The following TG variants were observed in gnomAD, a reference collection of about 807,000 sequenced individuals.
TG encodes thyroid hormones.
Under a neutral mutation model 324.7 loss-of-function variants are expected in TG, and 270 were observed. That is an observed-to-expected ratio of 0.83 (90% CI 0.75 to 0.92). The LOEUF (loss-of-function observed/expected upper bound fraction) is 0.92. Ranked by LOEUF, TG falls within the 40% of genes least tolerant of loss-of-function variation. TG has a pLI of 0.00. For synonymous variants in TG, 1,401 were observed against 1,327.0 expected (o/e 1.06, Z -1.21); for missense variants, 3,591 against 3,456.4 (o/e 1.04, Z -0.98).
chr8:132,936,265 G>T (rs1823576763), intron 25 of TG, among the ~76,000 whole-genome samples: 1 of 152,222 alleles, frequency 6.6e-6, no homozygotes, highest in South Asian at 2.1e-4. Flanking sequence ...CAAGAGGCTG[G>T]GCAAACTGCT....
At chr8:132,871,322 T>G (rs1218812586) in intron 3 of TG, 26 bp from the exon 4 acceptor site, 1 of 1,613,022 alleles carries the variant, frequency 6.2e-7, no homozygotes, top group Non-Finnish European at 8.5e-7. Flanking sequence ...TGCAGTTCTA[T>G]CTAACATTGC....
At chr8:133,010,814 G>T (rs997067363) in intron 35 of TG, among the ~76,000 whole-genome samples, 12 of 152,152 alleles carry the variant, frequency 7.9e-5, no homozygotes, top group Non-Finnish European at 1.5e-5. Flanking sequence ...TGGCTGCTAT[G>T]CCTGTGCTTC....
intron 34 of TG, among the ~76,000 whole-genome samples, chr8:132,976,765 A>T (rs1830225432): frequency 6.6e-6 from 1 of 152,162 alleles, no homozygotes; most frequent in African/African-American, 2.4e-5. Flanking sequence ...GAACAGAAGG[A>T]GGAGGACTGG....
At chr8:133,030,086 T>C in intron 41 of TG, 63 bp downstream of exon 41, 2 of 1,603,162 alleles carry the variant, frequency 1.2e-6, no homozygotes, top group South Asian at 1.1e-5. Flanking sequence ...GTGGTTCTCC[T>C]GTGCTGCAAA....
At chr8:132,888,595 A>AT in intron 10 of TG, 27 bp downstream of exon 10, 1 of 1,337,950 alleles carries the variant, frequency 7.5e-7, no homozygotes, top group South Asian at 1.4e-5. Context: ...GAAGAGTTAA[A>AT]TGTGTGTGTG....
chr8:132,914,448 G>A (rs2687820), intron 20 of TG, among the ~76,000 whole-genome samples: 149,015 of 152,358 alleles, frequency 0.98, 72,881 homozygotes, highest in East Asian at 1. Context: ...TAAACTCCAC[G>A]TTGGATTTAA....
At chr8:133,025,995 G>GT (rs1836034366) in intron 40 of TG, among the ~76,000 whole-genome samples, 1 of 152,170 alleles carries the variant, frequency 6.6e-6, no homozygotes, top group African/African-American at 2.4e-5. Context: ...GAGATGAAGT[G>GT]TGTGAGGACA....
rs373927577 is a variant in TG at position 132,871,781 on chromosome 8, G to A, written c.478+230G>A. Among the ~76,000 whole-genome samples, 54 of 152,312 alleles carry A rather than the reference G, an allele frequency of 3.5e-4. No individual in the cohort carries two copies. The South Asian group carries it at 1.0e-2, about 28-fold the overall frequency. ...AAACATAAACAGGATTTCATTGAAC[G>A]TTGTGAGTCTCCTGTTGCAGACCTG... On this transcript the variant is annotated intron_variant, in intron 4 of 47. Coordinates refer to ENST00000220616, the MANE Select transcript of TG (RefSeq NM_003235.5).
At chr8:133,071,191 G>GGT (rs1315824740) in intron 41 of TG, among the ~76,000 whole-genome samples, 1 of 152,194 alleles carries the variant, frequency 6.6e-6, no homozygotes, top group East Asian at 1.9e-4. Context: ...GTGTGTCCTA[G>GGT]GTGTGTTACA....
chr8:132,960,272 A>G (rs1278536834), intron 27 of TG, among the ~76,000 whole-genome samples: 1 of 152,222 alleles, frequency 6.6e-6, no homozygotes, highest in Non-Finnish European at 1.5e-5. Context: ...AAATTTGATC[A>G]TATCTCGATG....
At chr8:133,012,944 T>C (rs1834649902) in intron 36 of TG, among the ~76,000 whole-genome samples, 1 of 152,204 alleles carries the variant, frequency 6.6e-6, no homozygotes, top group Non-Finnish European at 1.5e-5. Context: ...GGAAAGGGCA[T>C]GGTCCCTGGT....
At chr8:133,053,027 G>A (rs1840709403) in intron 41 of TG, among the ~76,000 whole-genome samples, 1 of 152,206 alleles carries the variant, frequency 6.6e-6, no homozygotes, top group South Asian at 2.1e-4. Flanking sequence ...TCGGCTACAT[G>A]TGATGGGCCT....
chr8:132,876,441 A>G (rs1219073291), intron 5 of TG, among the ~76,000 whole-genome samples: 1 of 152,028 alleles, frequency 6.6e-6, no homozygotes, highest in Non-Finnish European at 1.5e-5. Context: ...ATTTTTTTTG[A>G]AAATTAAAAT....
At chr8:132,924,308 C>A (rs749096661) in intron 22 of TG, among the ~76,000 whole-genome samples, 11 of 152,154 alleles carry the variant, frequency 7.2e-5, no homozygotes, top group Admixed American at 2.6e-4. Flanking sequence ...TCCCAATGCT[C>A]ACCTCCTGCT....
chr8:133,111,318 T>C lies in TG; in HGVS notation c.7573-2104T>C, dbSNP rs190953789. Among the ~76,000 whole-genome samples, 11 of 152,338 alleles carry C rather than the reference T, an allele frequency of 7.2e-5. No individual in the cohort carries two copies. In the East Asian group the frequency reaches 1.4e-3, roughly 19 times the overall value. ...ACAAGCTAGGCAGGTTCTCTCAGCCTCAGAATTATGGTTCATAAAATGGGA... is the reference window on the plus strand; with the variant it reads ...ACAAGCTAGGCAGGTTCTCTCAGCCCCAGAATTATGGTTCATAAAATGGGA... On this transcript the variant is annotated intron_variant, in intron 43 of 47. Transcript: ENST00000220616.
At chr8:132,917,888 A>ATTTTTTTT (rs1414435510) in intron 20 of TG, among the ~76,000 whole-genome samples, 2 of 51,128 alleles carry the variant, frequency 3.9e-5, no homozygotes, top group Non-Finnish European at 8.1e-5. Context: ...CGGTTTTTGC[A>ATTTTTTTT]ATTTTTTTTT....
intron 22 of TG, among the ~76,000 whole-genome samples, chr8:132,924,074 T>C (rs865817024): frequency 1.3e-5 from 2 of 152,066 alleles, no homozygotes; most frequent in African/African-American, 2.4e-5. Context: ...CAACTCACCA[T>C]AACGTAGAAT....
intron 8 of TG, among the ~76,000 whole-genome samples, chr8:132,883,643 G>GCCCA: frequency 6.6e-6 from 1 of 152,138 alleles, no homozygotes; most frequent in East Asian, 1.9e-4. Context: ...CTTCATCCTG[G>GCCCA]AGGTCAGGTG....
At chr8:133,128,138 G>A (rs998214153) in intron 45 of TG, among the ~76,000 whole-genome samples, 1 of 152,022 alleles carries the variant, frequency 6.6e-6, no homozygotes, top group Non-Finnish European at 1.5e-5. Context: ...AGCAGTGGTT[G>A]ATCGCACTTT....
Sources: allele counts gnomAD v4.1 joint callset (sites outside exome capture counted in the v4.1 genomes callset), GRCh38; gene constraint gnomAD v4.1.1; transcripts MANE v1.5; gene names NCBI Gene and HGNC (gene_info 2026-07-23, HGNC 2026-07-21).